Variants in PSCA observed in about 807,000 individuals in gnomAD.
PSCA encodes prostate stem cell antigen.
Under a neutral mutation model 7.9 loss-of-function variants are expected in PSCA, and 7 were observed. The ratio of observed to expected loss-of-function variants is 0.89; its 90% CI spans 0.51 to 1.67. The LOEUF is 1.67. Ranked by LOEUF, PSCA falls within the 40% of genes most tolerant of loss-of-function variation. The pLI, the probability that PSCA is intolerant of heterozygous loss-of-function variation, is 0.00. For synonymous variants in PSCA, 61 were observed against 68.3 expected (o/e 0.89, Z 0.53); for missense variants, 151 against 147.9 (o/e 1.02, Z -0.11).
At chr8:142,670,680 G>A (rs1038093802) in intron 1 of PSCA, 1 of 152,202 alleles carries the variant, frequency 6.6e-6, no homozygotes, top group Non-Finnish European at 1.5e-5. Flanking sequence ...ACTGGAGGGT[G>A]GACTGTGGTG....
At position 142,681,440 on chromosome 8, in the gene PSCA, TG is replaced by T. The variant is rs1174920542; in HGVS notation, c.133+12del. On this transcript the variant is annotated splice_region_variant and intron_variant, in intron 2 of 2. Transcript: ENST00000301258. ...GTGCTGGACCGCGCGCATCCGTGAG[TG>T]GGGGGACGACAGCCGCCAGGCCTAG... The T allele has an allele frequency of 1.3e-6, 2 of 1,581,608 alleles. No homozygotes were observed. Among genetic ancestry groups the T allele is most frequent in the Admixed American group, 1.8e-5 (1 of 55,654 alleles).
At chr8:142,674,416 C>T (rs892581263) in intron 1 of PSCA, among the ~76,000 whole-genome samples, 1 of 151,270 alleles carries the variant, frequency 6.6e-6, no homozygotes, top group Non-Finnish European at 1.5e-5. Context: ...TAATGAATAA[C>T]GGCTGGGAAT....
chr8:142,681,875 G>A (rs1814648944), intron 2 of PSCA, 46 bp from the exon 3 acceptor site: 1 of 1,402,198 alleles, frequency 7.1e-7, no homozygotes, highest in Non-Finnish European at 9.7e-7. Flanking sequence ...GGTCAGGCAG[G>A]TGAGCACACA....
upstream of PSCA, among the ~76,000 whole-genome samples, chr8:142,677,103 G>A (rs1288852004): frequency 5.9e-5 from 9 of 152,208 alleles, no homozygotes; most frequent in Admixed American, 2.6e-4. Context: ...GGGTGGGGCC[G>A]TAACCAGGGC....
intron 1 of PSCA, among the ~76,000 whole-genome samples, chr8:142,674,428 A>G (rs146194718): frequency 0.053 from 7,468 of 141,248 alleles, 379 homozygotes; most frequent in African/African-American, 0.13. Context: ...GCTGGGAATC[A>G]TTTCAGTCTA....
Position 142,671,996 on chromosome 8 carries a change from C to A in PSCA, n.261+1428C>A, listed in dbSNP as rs933220390. Among the ~76,000 whole-genome samples, 6 of 152,134 alleles carry A rather than the reference C, an allele frequency of 3.9e-5. No homozygotes were observed. The East Asian group carries it at 1.2e-3, about 29-fold the overall frequency. On this transcript the variant is annotated intron_variant and non_coding_transcript_variant, in intron 1 of 1. Coordinates refer to the PSCA transcript ENST00000505305. ...TGGGTGATCTCCTCCAGTGTCATGC[C>A]GTTAAATACCATCCAACACTGGCAA...
chr8:142,682,463 C>A lies in PSCA; in HGVS notation c.*331C>A, dbSNP rs1814669966. 3 of 603,632 alleles carry A rather than the reference C, an allele frequency of 5.0e-6. No individual in the cohort carries two copies. The highest frequency in any genetic ancestry group is 6.2e-6 in the Non-Finnish European group (2 of 321,108). The allele number at this position is 603,632 out of a possible 1,614,324, so 37.4% of individuals were successfully genotyped here. ...TCCCCCAGGAAGCCTTCCCTGCCCACCCCATCTATGACTTGAGCCAGGTCT... is the reference window on the plus strand; with the variant it reads ...TCCCCCAGGAAGCCTTCCCTGCCCAACCCATCTATGACTTGAGCCAGGTCT... On this transcript the variant is annotated 3_prime_UTR_variant, in exon 3 of 3. Coordinates refer to ENST00000301258, the MANE Select transcript of PSCA (RefSeq NM_005672.5).
upstream of PSCA, among the ~76,000 whole-genome samples, chr8:142,678,527 C>T (rs1338203286): frequency 6.6e-6 from 1 of 152,256 alleles, no homozygotes; most frequent in Non-Finnish European, 1.5e-5. Context: ...GCCCCTCGGG[C>T]TTGCAGGGAT....
At chr8:142,672,182 C>T (rs1209434548) in intron 1 of PSCA, among the ~76,000 whole-genome samples, 2 of 152,186 alleles carry the variant, frequency 1.3e-5, no homozygotes, top group African/African-American at 4.8e-5. Context: ...TTCACTCAGG[C>T]TCAGCCTCAA....
At chr8:142,680,705 G>A (rs1286792752) in intron 1 of PSCA, 142 bp downstream of exon 1, 13 of 1,162,304 alleles carry the variant, frequency 1.1e-5, no homozygotes, top group East Asian at 5.2e-5. Flanking sequence ...CCTAGCCTCC[G>A]CTCCTCCAGG....
At chr8:142,677,869 A>G (rs587674861), upstream of PSCA, among the ~76,000 whole-genome samples, 3 of 152,222 alleles carry the variant, frequency 2.0e-5, no homozygotes, top group Admixed American at 2.0e-4. Flanking sequence ...TCCATGGAAA[A>G]GAGCCCAACC....
At chr8:142,678,113 G>A (rs1847419241), upstream of PSCA, among the ~76,000 whole-genome samples, 1 of 152,212 alleles carries the variant, frequency 6.6e-6, no homozygotes, top group Non-Finnish European at 1.5e-5. Flanking sequence ...TTCCTGGACG[G>A]TGCAGGCCTT....
chr8:142,682,033 G>C lies in PSCA; in HGVS notation c.246G>C (p.Leu82Phe), dbSNP rs781828772. ...ACATCACGTGCTGTGACACCGACTT[G>C]TGCAACGCCAGCGGGGCCCATGCCC... ...KKNITCCDTD[L>F]CNASGAHALQ... is the part of the protein sequence containing the mutation. Residue 82 changes from leucine (L) to phenylalanine (F), a missense_variant, in exon 3 of 3, where the codon TTG becomes TTC. Physicochemically the swap from Leu to Phe is conservative, Grantham distance 22 (BLOSUM62 0). Transcript: ENST00000301258. The C allele has an allele frequency of 1.9e-6, 3 of 1,612,956 alleles. No individual in the cohort carries two copies. In the South Asian group the frequency reaches 3.3e-5, roughly 18 times the overall value.
In PSCA at chr8:142,680,558, A is replaced by G; in HGVS notation, c.20A>G (p.Gln7Arg). The part of the protein sequence containing the change: MAGLAL[Q>R]PGTALLCYSC... ...CTGTTGATGGCAGGCTTGGCCCTGCAGCCAGGTGAGGCCTTGGCTGGCCCC... is the reference window on the plus strand; with the variant it reads ...CTGTTGATGGCAGGCTTGGCCCTGCGGCCAGGTGAGGCCTTGGCTGGCCCC... The change falls in exon 1 of 3, where the codon CAG (glutamine) becomes CGG (arginine). Residue 7 changes from glutamine (Q) to arginine (R), a missense_variant. By Grantham distance (43) the Gln-to-Arg change is conservative. Transcript: ENST00000301258. The G allele has an allele frequency of 1.3e-6, 2 of 1,554,186 alleles. No individual in the cohort carries two copies. Among genetic ancestry groups the G allele is most frequent in the Non-Finnish European group, 1.7e-6 (2 of 1,148,380 alleles).
rs1045568 is a variant in PSCA, at chr8:142,682,487, C to G, written c.*355C>G. 7.2e-6 allele frequency: 4 copies of G among 555,144 alleles called. No homozygotes were observed. 34.4% of individuals were successfully genotyped at this position (555,144 alleles called of 1,614,324 possible). ...ACCCCATCTATGACTTGAGCCAGGTCTGGTCCGTGGTGTCCCCCGCACCCA... is the reference window on the plus strand; with the variant it reads ...ACCCCATCTATGACTTGAGCCAGGTGTGGTCCGTGGTGTCCCCCGCACCCA... On this transcript the variant is annotated 3_prime_UTR_variant, in exon 3 of 3. Transcript: ENST00000301258.
intron 2 of PSCA, 109 bp downstream of exon 2, chr8:142,681,543 AC>A (rs1554638356): frequency 5.1e-6 from 5 of 982,626 alleles, no homozygotes; most frequent in African/African-American, 3.2e-5. Flanking sequence ...CCTGTCCCCG[AC>A]CCGTCCCGCA....
intron 1 of PSCA, among the ~76,000 whole-genome samples, chr8:142,674,059 C>G (rs587701307): frequency 6.7e-6 from 1 of 150,120 alleles, no homozygotes; most frequent in Non-Finnish European, 1.5e-5. Context: ...CTAACCTCAG[C>G]AGAGCTCAGA....
At chr8:142,674,535 G>A (rs1402978065) in intron 1 of PSCA, among the ~76,000 whole-genome samples, 2 of 152,262 alleles carry the variant, frequency 1.3e-5, no homozygotes, top group African/African-American at 4.8e-5. Context: ...GGGCTGTTAT[G>A]CCCAGAAATG....
intron 1 of PSCA, among the ~76,000 whole-genome samples, chr8:142,674,417 G>A (rs371754613): frequency 3.3e-5 from 5 of 151,392 alleles, no homozygotes; most frequent in East Asian, 1.9e-4. Context: ...AATGAATAAC[G>A]GCTGGGAATC....
Sources: gnomAD v4.1 joint callset for allele counts (sites outside exome capture counted in the v4.1 genomes callset) on GRCh38, gnomAD v4.1.1 for gene constraint, MANE v1.5 for transcripts, NCBI Gene and HGNC (gene_info 2026-07-23, HGNC 2026-07-21) for gene names.